TBXAS1: variants seen among roughly 807,000 people sequenced by gnomAD.
The protein encoded by TBXAS1 is thromboxane A synthase 1.
A neutral mutation model predicts 60.7 loss-of-function variants in TBXAS1; 48 were observed. That is an observed-to-expected ratio of 0.79 (90% confidence interval 0.63 to 1.01). The LOEUF is 1.01. Ranked by LOEUF, TBXAS1 falls within the 50% of genes least tolerant of loss-of-function variation. The pLI, the probability that TBXAS1 is intolerant of heterozygous loss-of-function variation, is 0.00. For synonymous variants in TBXAS1, 287 were observed against 269.7 expected (o/e 1.06, Z -0.63); for missense variants, 685 against 686.3 (o/e 1.00, Z 0.02).
At chr7:139,957,400 C>T (rs1809948495) in intron 7 of TBXAS1, among the ~76,000 whole-genome samples, 1 of 152,038 alleles carries the variant, frequency 6.6e-6, no homozygotes, top group Non-Finnish European at 1.5e-5. Context: ...AGTGCAGACT[C>T]GATTAATTGC....
At chr7:139,860,207 T>C (rs570207439) in intron 1 of TBXAS1, among the ~76,000 whole-genome samples, 30 of 152,264 alleles carry the variant, frequency 2.0e-4, no homozygotes, top group African/African-American at 7.2e-4. Flanking sequence ...AAAGCCTGGT[T>C]CAGTGCTGCC....
chr7:139,892,969 G>C (rs1161129845), intron 3 of TBXAS1, among the ~76,000 whole-genome samples: 1 of 152,090 alleles, frequency 6.6e-6, no homozygotes, highest in Non-Finnish European at 1.5e-5. Context: ...ATGAAATGAG[G>C]GGGTTGGGCT....
chr7:139,963,284 T>C lies in TBXAS1; in HGVS notation c.1134+1051T>C, dbSNP rs1014728849. ...GCTTACACAATTGATTTATTGAGCC[T>C]AGACGGAAGAGTTTATATTTATCCT... is the stretch of plus-strand genomic sequence containing the variant. On this transcript the variant is annotated intron_variant, in intron 9 of 12. Coordinates refer to ENST00000448866, the MANE Select transcript of TBXAS1 (RefSeq NM_001061.7). Among the ~76,000 whole-genome samples the C allele has an allele frequency of 3.3e-5, 5 of 152,242 alleles. No homozygotes were observed. The East Asian group carries it at 9.6e-4, about 29-fold the overall frequency.
At chr7:139,844,643 C>A (rs962237208) in intron 1 of TBXAS1, among the ~76,000 whole-genome samples, 17 of 152,180 alleles carry the variant, frequency 1.1e-4, no homozygotes, top group Admixed American at 6.5e-5. Flanking sequence ...CCTCTTCCTA[C>A]CTTCACAAAT....
At chr7:139,839,692 AAAAC>A (rs1347032889) in intron 1 of TBXAS1, among the ~76,000 whole-genome samples, 25 of 151,462 alleles carry the variant, frequency 1.7e-4, no homozygotes, top group African/African-American at 6.1e-4. Context: ...AAAAAAAAAA[AAAAC>A]AAATCAAAAA....
At chr7:139,930,633 A>C (rs1584879916) in intron 4 of TBXAS1, among the ~76,000 whole-genome samples, 1 of 152,110 alleles carries the variant, frequency 6.6e-6, no homozygotes, top group Middle Eastern at 3.4e-3. Flanking sequence ...AGACTATATA[A>C]GGGATTGGGA....
intron 1 of TBXAS1, among the ~76,000 whole-genome samples, chr7:139,869,081 G>A (rs1288357617): frequency 1.3e-5 from 2 of 152,120 alleles, no homozygotes; most frequent in Non-Finnish European, 2.9e-5. Context: ...TTATAGGCAT[G>A]AGCCACCACA....
At chr7:139,889,952 G>A (rs543463453) in intron 3 of TBXAS1, among the ~76,000 whole-genome samples, 6 of 152,322 alleles carry the variant, frequency 3.9e-5, no homozygotes, top group Admixed American at 2.0e-4. Context: ...GGATCAGGAA[G>A]CTGCATTAGG....
chr7:139,972,027 G>A (rs952171842), intron 9 of TBXAS1, among the ~76,000 whole-genome samples: 1 of 152,194 alleles, frequency 6.6e-6, no homozygotes, highest in African/African-American at 2.4e-5. Flanking sequence ...AATGGGGGTG[G>A]CACAGGGGAG....
chr7:139,871,341 TG>T (rs1801810926), intron 1 of TBXAS1, among the ~76,000 whole-genome samples: 1 of 152,234 alleles, frequency 6.6e-6, no homozygotes, highest in Non-Finnish European at 1.5e-5. Flanking sequence ...GGCTGATCTC[TG>T]CGTGATGCTA....
At chr7:139,972,239 G>A (rs991252382) in intron 9 of TBXAS1, among the ~76,000 whole-genome samples, 10 of 152,194 alleles carry the variant, frequency 6.6e-5, no homozygotes, top group African/African-American at 1.7e-4. Flanking sequence ...GCATGTATGT[G>A]GTGTCTTTCA....
At chr7:139,920,697 A>G (rs1364511700) in intron 4 of TBXAS1, among the ~76,000 whole-genome samples, 4 of 152,156 alleles carry the variant, frequency 2.6e-5, no homozygotes, top group Non-Finnish European at 4.4e-5. Context: ...AACAGGGCCA[A>G]AGGATTCCTG....
At chr7:140,003,225 CTGTT>C (rs1358613956) in intron 9 of TBXAS1, among the ~76,000 whole-genome samples, 2 of 149,638 alleles carry the variant, frequency 1.3e-5, no homozygotes, top group Non-Finnish European at 3.0e-5. Context: ...GTTTGTTTGT[CTGTT>C]TGTTTGAGAT....
intron 7 of TBXAS1, among the ~76,000 whole-genome samples, chr7:139,956,775 C>T (rs1199689377): frequency 2.6e-5 from 4 of 152,262 alleles, no homozygotes; most frequent in Non-Finnish European, 1.5e-5. Flanking sequence ...GCCTCAACCA[C>T]GGCCCAGGCC....
intron 10 of TBXAS1, among the ~76,000 whole-genome samples, chr7:140,015,129 TAGAC>T (rs1179279793): frequency 6.6e-6 from 1 of 152,032 alleles, no homozygotes; most frequent in Non-Finnish European, 1.5e-5. Context: ...ATCAATGACA[TAGAC>T]AGACCAAGTC....
At chr7:139,959,551 C>T (rs80256689) in intron 8 of TBXAS1, among the ~76,000 whole-genome samples, 1,925 of 152,182 alleles carry the variant, frequency 0.013, 44 homozygotes, top group African/African-American at 0.044. Flanking sequence ...GTGCACGGGC[C>T]CTGGAGAGTG....
intron 9 of TBXAS1, among the ~76,000 whole-genome samples, chr7:140,006,313 C>T (rs1251770962): frequency 6.6e-6 from 1 of 152,160 alleles, no homozygotes; most frequent in Non-Finnish European, 1.5e-5. Flanking sequence ...GGCACGTGTT[C>T]ATCTTCAGGC....
At chr7:139,795,895 A>G (rs1797554069) in intron 4 of TBXAS1, among the ~76,000 whole-genome samples, 1 of 152,052 alleles carries the variant, frequency 6.6e-6, no homozygotes, top group Non-Finnish European at 1.5e-5. Flanking sequence ...TTCTCCAGTT[A>G]CAAATGCAAC....
chr7:139,866,890 A>G (rs1056264738), intron 1 of TBXAS1, among the ~76,000 whole-genome samples: 1 of 152,244 alleles, frequency 6.6e-6, no homozygotes, highest in South Asian at 2.1e-4. Flanking sequence ...TCTCCCTGAT[A>G]GTTCTAGCTT....
Sources: gnomAD v4.1 joint callset for allele counts (sites outside exome capture counted in the v4.1 genomes callset) on GRCh38, gnomAD v4.1.1 for gene constraint, MANE v1.5 for transcripts, NCBI Gene and HGNC (gene_info 2026-07-23, HGNC 2026-07-21) for gene names.